The following AGBL1 variants were observed in gnomAD, a reference collection of about 807,000 sequenced individuals.
The protein encoded by AGBL1 is AGBL carboxypeptidase 1.
AGBL1 carries 130 observed loss-of-function variants against 118.9 expected under a neutral mutation model. The observed-to-expected ratio is 1.09, with a 90% CI of 0.95 to 1.26. The LOEUF (loss-of-function observed/expected upper bound fraction) is 1.26. Ranked by LOEUF, AGBL1 falls within the 50% of genes most tolerant of loss-of-function variation. The pLI is 0.00. For missense variants in AGBL1, 1,584 were observed against 1,298.1 expected (o/e 1.22, Z -3.38); for synonymous variants, 555 against 478.9 (o/e 1.16, Z -2.08).
intron 16 of AGBL1, among the ~76,000 whole-genome samples, chr15:86,280,957 T>C (rs2079342307): frequency 6.6e-6 from 1 of 152,224 alleles, no homozygotes; most frequent in African/African-American, 2.4e-5. Flanking sequence ...TAATGTGCGT[T>C]GCAAGCTAGG....
intron 24 of AGBL1, among the ~76,000 whole-genome samples, chr15:87,011,093 A>G (rs2081554845): frequency 6.6e-6 from 1 of 152,248 alleles, no homozygotes; most frequent in African/African-American, 2.4e-5. Flanking sequence ...AGTTCTTGCC[A>G]TAGATAGTGA....
intron 21 of AGBL1, among the ~76,000 whole-genome samples, chr15:86,568,650 G>A (rs1039513772): frequency 3.9e-5 from 6 of 152,152 alleles, no homozygotes; most frequent in African/African-American, 1.4e-4. Flanking sequence ...ATAGACCCTG[G>A]AGCAGAGCAT....
chr15:86,638,758 T>A (rs1324758160), intron 21 of AGBL1, among the ~76,000 whole-genome samples: 4 of 152,144 alleles, frequency 2.6e-5, no homozygotes, highest in Non-Finnish European at 5.9e-5. Flanking sequence ...AATTGCTGAG[T>A]AACAAATCAC....
chr15:86,545,930 T>TA lies in AGBL1; in HGVS notation c.2686-71dup. On this transcript the variant is annotated intron_variant, in intron 19 of 22. Coordinates refer to ENST00000614907, the MANE Select transcript of AGBL1 (RefSeq NM_001386094.1). Reference sequence around the variant, plus strand: ...CTTTGAGCCATGGAACATGAGTAGATACGATTTAAGTGGATTTAAGAAACC... The same window carrying TA: ...CTTTGAGCCATGGAACATGAGTAGATAACGATTTAAGTGGATTTAAGAAACC... The TA allele has an allele frequency of 3.9e-6, 6 of 1,533,870 alleles. No individual in the cohort carries two copies. The South Asian group carries it at 4.8e-5, about 12-fold the overall frequency.
At chr15:86,731,590 T>A (rs538820316) in intron 22 of AGBL1, among the ~76,000 whole-genome samples, 1 of 152,308 alleles carries the variant, frequency 6.6e-6, no homozygotes, top group Non-Finnish European at 1.5e-5. Context: ...ATCTTGTTGG[T>A]TTTCTTTCCC....
In AGBL1 at chr15:86,262,078, C is replaced by CTTTTTTTTTTTTTTTTTTTTTTTTTTTTT. The variant is rs61365024; in HGVS notation, c.970-684_970-683insTTTTTTTTTTTTTTTTTTTTTTTTTTTTT. Among the ~76,000 whole-genome samples, 89 of 52,768 alleles carry CTTTTTTTTTTTTTTTTTTTTTTTTTTTTT rather than the reference C, an allele frequency of 1.7e-3. 30 individuals are homozygous for CTTTTTTTTTTTTTTTTTTTTTTTTTTTTT. Among genetic ancestry groups the CTTTTTTTTTTTTTTTTTTTTTTTTTTTTT allele is most frequent in the South Asian group, 4.9e-3 (3 of 612 alleles). The allele number at this position is 52,768 out of a possible 152,430, so 34.6% of individuals were successfully genotyped here. On this transcript the variant is annotated intron_variant, in intron 9 of 22. Transcript: ENST00000614907. ...CACTGCTAGGCCTATGCATAGCTGG[C>CTTTTTTTTTTTTTTTTTTTTTTTTTTTTT]TTTTTTTTTTTTTTTTGCCATTTAG...
chr15:86,814,188 C>A (rs2078829386), intron 22 of AGBL1, among the ~76,000 whole-genome samples: 1 of 152,188 alleles, frequency 6.6e-6, no homozygotes, highest in Admixed American at 6.5e-5. Context: ...AAATCAGCGG[C>A]AGCACTGGAG....
At chr15:86,691,323 TTCCCTG>T (rs1299199981) in intron 22 of AGBL1, among the ~76,000 whole-genome samples, 7 of 152,184 alleles carry the variant, frequency 4.6e-5, no homozygotes, top group Non-Finnish European at 1.0e-4. Context: ...GAGCTTGGAT[TTCCCTG>T]GGTGCTATCT....
intron 1 of AGBL1, among the ~76,000 whole-genome samples, chr15:86,097,406 A>C (rs1896448025): frequency 6.6e-6 from 1 of 152,046 alleles, no homozygotes; most frequent in African/African-American, 2.4e-5. Context: ...GAACACTAGA[A>C]CTTATTTTTC....
chr15:86,334,818 G>C (rs1567204505), intron 17 of AGBL1, among the ~76,000 whole-genome samples: 2 of 152,006 alleles, frequency 1.3e-5, no homozygotes, highest in Non-Finnish European at 2.9e-5. Context: ...CAGACACATA[G>C]ACCAATGGAA....
In AGBL1 at chr15:86,736,639, T is replaced by C. The variant is rs116304745; in HGVS notation, c.3158+62203T>C. ...CCCTTTTTCATATTGTGAAACAATT[T>C]GGCTCTTCCACTAGCCGTAAACTAC... On this transcript the variant is annotated intron_variant, in intron 22 of 22. Coordinates refer to ENST00000614907, the MANE Select transcript of AGBL1 (RefSeq NM_001386094.1). Among the ~76,000 whole-genome samples the C allele has an allele frequency of 5.1e-3, 775 of 152,312 alleles. 8 individuals carry two copies. The highest frequency in any genetic ancestry group is 0.018 in the African/African-American group (730 of 41,572).
chr15:86,957,895 T>C (rs2080947115), intron 23 of AGBL1, among the ~76,000 whole-genome samples: 1 of 152,052 alleles, frequency 6.6e-6, no homozygotes, highest in African/African-American at 2.4e-5. Context: ...ACAGTCAATA[T>C]AACTCTGAAC....
chr15:86,252,444 G>A (rs2078831205), intron 7 of AGBL1, among the ~76,000 whole-genome samples: 1 of 152,206 alleles, frequency 6.6e-6, no homozygotes, highest in Non-Finnish European at 1.5e-5. Context: ...TGTGAAAGAT[G>A]TTGGGGCTGG....
At chr15:86,611,475 C>T (rs370128491) in intron 21 of AGBL1, among the ~76,000 whole-genome samples, 7 of 152,206 alleles carry the variant, frequency 4.6e-5, no homozygotes, top group Middle Eastern at 3.4e-3. Context: ...TTCAGTTTTT[C>T]TGGGGCCTAG....
At chr15:86,960,800 T>A (rs1316927534) in intron 23 of AGBL1, among the ~76,000 whole-genome samples, 1 of 152,048 alleles carries the variant, frequency 6.6e-6, no homozygotes, top group Non-Finnish European at 1.5e-5. Context: ...TGGATGAACC[T>A]GAATGACATT....
At chr15:86,294,289 C>T (rs1567182753) in intron 16 of AGBL1, among the ~76,000 whole-genome samples, 1 of 150,900 alleles carries the variant, frequency 6.6e-6, no homozygotes, top group Non-Finnish European at 1.5e-5. Context: ...ATCCCAGCTA[C>T]TCAGGAGGTT....
intron 21 of AGBL1, among the ~76,000 whole-genome samples, chr15:86,570,742 A>G (rs897855208): frequency 9.2e-5 from 14 of 151,912 alleles, no homozygotes; most frequent in Non-Finnish European, 1.9e-4. Flanking sequence ...TCCTTTTGCT[A>G]TTCATGTTTT....
rs148493004 is a variant in AGBL1, at chr15:86,688,772, A to G, written c.3158+14336A>G. Among the ~76,000 whole-genome samples the G allele has an allele frequency of 4.6e-5, 7 of 152,272 alleles. No homozygotes were observed. The East Asian group carries it at 1.4e-3, about 29-fold the overall frequency. On this transcript the variant is annotated intron_variant, in intron 22 of 22. Transcript: ENST00000614907. ...AATACTAATTGGATGATTTTGGCAT[A>G]TCTATATATCTATATATATGCATAA...
At chr15:86,082,492 G>A (rs540454151) in intron 1 of AGBL1, among the ~76,000 whole-genome samples, 2 of 152,314 alleles carry the variant, frequency 1.3e-5, no homozygotes, top group African/African-American at 4.8e-5. Context: ...AGGTTGCCAA[G>A]GGAAGGAAGA....
Sources: allele counts gnomAD v4.1 joint callset (sites outside exome capture counted in the v4.1 genomes callset), GRCh38; gene constraint gnomAD v4.1.1; transcripts MANE v1.5; gene names NCBI Gene and HGNC (gene_info 2026-07-23, HGNC 2026-07-21).